ARHGAP42: variants seen among roughly 807,000 people sequenced by gnomAD.
The protein encoded by ARHGAP42 is rho GTPase-activating protein 42.
ARHGAP42 carries 63 observed loss-of-function variants against 125.0 expected under a neutral mutation model. That is an observed-to-expected ratio of 0.50 (90% confidence interval 0.41 to 0.62). The LOEUF (loss-of-function observed/expected upper bound fraction) is 0.62, where lower values mean the gene tolerates loss of function less well. Among genes scored for constraint, ARHGAP42 ranks in the 20% least tolerant of loss-of-function variants. The pLI, the probability that ARHGAP42 is intolerant of heterozygous loss-of-function variation, is 0.00. For missense variants in ARHGAP42, 766 were observed against 1,024.2 expected, an observed-to-expected ratio of 0.75 and a Z score of 3.44; for synonymous variants, 339 against 351.0, an observed-to-expected ratio of 0.97 and a Z score of 0.38.
At position 100,891,439 on chromosome 11, in the gene ARHGAP42, C is replaced by CTT. The variant is rs142290529; in HGVS notation, c.385-21994_385-21993dup. 6.6e-4 allele frequency among the ~76,000 whole-genome samples: 69 copies of CTT among 104,942 alleles called. 1 individual carries two copies. Among genetic ancestry groups the CTT allele is most frequent in the Non-Finnish European group, 1.0e-3 (54 of 53,622 alleles). The allele number at this position is 104,942 out of a possible 152,430, so 68.8% of individuals were successfully genotyped here. ...ATAGGAAATAACTTAAAAGCATCGA[C>CTT]TTTTTTTTTTTTTTTTTTTTGAGAT... On this transcript the variant is annotated intron_variant, in intron 4 of 23. Transcript: ENST00000298815.
intron 1 of ARHGAP42, among the ~76,000 whole-genome samples, chr11:100,767,264 T>TA (rs1862851363): frequency 6.6e-6 from 1 of 152,206 alleles, no homozygotes; most frequent in Non-Finnish European, 1.5e-5. Flanking sequence ...CTCCTTACTA[T>TA]AACCCTGAGA....
At chr11:100,820,235 G>A (rs1202826490) in intron 3 of ARHGAP42, among the ~76,000 whole-genome samples, 1 of 152,010 alleles carries the variant, frequency 6.6e-6, no homozygotes, top group Non-Finnish European at 1.5e-5. Context: ...GACTACCATT[G>A]AGATTATTGG....
rs569080730 is a variant in ARHGAP42 at position 100,786,212 on chromosome 11, G to C, written c.251-8893G>C. 3.3e-5 allele frequency among the ~76,000 whole-genome samples: 5 copies of C among 152,238 alleles called. No individual in the cohort carries two copies. In the South Asian group the frequency reaches 1.0e-3, roughly 32 times the overall value. The stretch of plus-strand genomic sequence containing the variant: ...TAAACATTAAAACAAAACAAAACAA[G>C]GGAACATCAGAATTGCACAGGTCCT... On this transcript the variant is annotated intron_variant, in intron 2 of 23. Coordinates refer to ENST00000298815, the MANE Select transcript of ARHGAP42 (RefSeq NM_152432.4).
chr11:100,881,116 T>G (rs1484908450), intron 4 of ARHGAP42, among the ~76,000 whole-genome samples: 1 of 152,188 alleles, frequency 6.6e-6, no homozygotes, highest in Non-Finnish European at 1.5e-5. Context: ...TTATCTTTGT[T>G]TCTTTGTATT....
Position 100,965,793 on chromosome 11 carries a change from C to G in ARHGAP42, c.1550+17C>G, listed in dbSNP as rs1053319298. On this transcript the variant is annotated intron_variant, in intron 17 of 23. Coordinates refer to ENST00000298815, the MANE Select transcript of ARHGAP42 (RefSeq NM_152432.4). The stretch of plus-strand genomic sequence containing the variant: ...TCTGGTCAAGTAATTCTCTAACTTA[C>G]ATTGTTCATTTAACTTATTGTTCAT... 5 of 1,528,252 alleles carry G rather than the reference C, an allele frequency of 3.3e-6. No homozygotes were observed. Among genetic ancestry groups the G allele is most frequent in the Non-Finnish European group, 4.4e-6 (5 of 1,126,372 alleles). The allele number at this position is 1,528,252 out of a possible 1,614,324, so 94.7% of individuals were successfully genotyped here.
chr11:100,740,247 C>G (rs1862155785), intron 1 of ARHGAP42, among the ~76,000 whole-genome samples: 1 of 151,388 alleles, frequency 6.6e-6, no homozygotes, highest in Non-Finnish European at 1.5e-5. Flanking sequence ...CCTGGTCATG[C>G]TATGGCCTCT....
chr11:100,719,345 C>G (rs981369097), intron 1 of ARHGAP42, among the ~76,000 whole-genome samples: 1 of 152,172 alleles, frequency 6.6e-6, no homozygotes, highest in Non-Finnish European at 1.5e-5. Context: ...GATGTATCTA[C>G]TTTGAGCTCT....
At chr11:100,847,421 G>T (rs1466299645) in intron 3 of ARHGAP42, among the ~76,000 whole-genome samples, 2 of 152,126 alleles carry the variant, frequency 1.3e-5, no homozygotes, top group Admixed American at 6.6e-5. Context: ...AGCAAAAAAG[G>T]TTTTTAGGAG....
intron 3 of ARHGAP42, among the ~76,000 whole-genome samples, chr11:100,796,160 T>G (rs912992665): frequency 1.3e-5 from 2 of 152,200 alleles, no homozygotes; most frequent in South Asian, 4.1e-4. Flanking sequence ...CTGTGTCACG[T>G]TTTGGTAATT....
intron 4 of ARHGAP42, among the ~76,000 whole-genome samples, chr11:100,889,979 T>TA (rs1866180900): frequency 6.6e-6 from 1 of 152,082 alleles, no homozygotes; most frequent in Admixed American, 6.5e-5. Flanking sequence ...CAGTAGGCAA[T>TA]AGGCAGGGTT....
chr11:100,699,517 T>A (rs1377594015), intron 1 of ARHGAP42, among the ~76,000 whole-genome samples: 256 of 74,234 alleles, frequency 3.4e-3, no homozygotes, highest in Middle Eastern at 6.6e-3. Context: ...TTTTTTTTTT[T>A]TTTTTTTTTT....
At chr11:100,865,900 G>A (rs2099853) in intron 4 of ARHGAP42, among the ~76,000 whole-genome samples, 67,863 of 151,926 alleles carry the variant, frequency 0.45, 15,592 homozygotes, top group East Asian at 0.68. Flanking sequence ...TGGCTGTGGC[G>A]GTTTCTGAAA....
intron 1 of ARHGAP42, among the ~76,000 whole-genome samples, chr11:100,757,758 A>G (rs986762770): frequency 2.6e-5 from 4 of 152,294 alleles, no homozygotes; most frequent in Admixed American, 6.5e-5. Flanking sequence ...AAATTGACTC[A>G]CAAAAAAACA....
chr11:100,885,477 A>T (rs1866067842), intron 4 of ARHGAP42, among the ~76,000 whole-genome samples: 1 of 151,988 alleles, frequency 6.6e-6, no homozygotes, highest in African/African-American at 2.4e-5. Context: ...TTTAAATCCC[A>T]TTTTTTTCCA....
chr11:100,913,213 G>A (rs1866972359), intron 4 of ARHGAP42, among the ~76,000 whole-genome samples: 1 of 152,098 alleles, frequency 6.6e-6, no homozygotes, highest in African/African-American at 2.4e-5. Flanking sequence ...GACTTGCCCT[G>A]TTTGTTTATA....
chr11:100,761,540 G>A (rs534725642), intron 1 of ARHGAP42, among the ~76,000 whole-genome samples: 25 of 152,216 alleles, frequency 1.6e-4, no homozygotes, highest in African/African-American at 6.0e-4. Context: ...GGAATTTGTA[G>A]GTTTATAGAA....
At chr11:100,964,088 A>G (rs572757708) in intron 16 of ARHGAP42, among the ~76,000 whole-genome samples, 1 of 152,186 alleles carries the variant, frequency 6.6e-6, no homozygotes, top group South Asian at 2.1e-4. Flanking sequence ...TAACATAGCC[A>G]TATTTACTAG....
chr11:100,790,745 G>C (rs1863546082), intron 2 of ARHGAP42, among the ~76,000 whole-genome samples: 1 of 152,034 alleles, frequency 6.6e-6, no homozygotes, highest in African/African-American at 2.4e-5. Flanking sequence ...ATTAAGTATT[G>C]GTTTTGGAAT....
chr11:100,778,257 A>G (rs1046227587), intron 2 of ARHGAP42, among the ~76,000 whole-genome samples: 3 of 152,158 alleles, frequency 2.0e-5, no homozygotes, highest in African/African-American at 7.2e-5. Context: ...TTCTAAACCA[A>G]AGGCAATGCC....
Sources: allele counts gnomAD v4.1 joint callset (sites outside exome capture counted in the v4.1 genomes callset), GRCh38; gene constraint gnomAD v4.1.1; transcripts MANE v1.5; gene names NCBI Gene and HGNC (gene_info 2026-07-23, HGNC 2026-07-21).